The following UBE2U variants were observed in gnomAD, a reference collection of about 807,000 sequenced individuals.
UBE2U encodes the protein ubiquitin conjugating enzyme E2 U.
A neutral mutation model predicts 41.2 loss-of-function variants in UBE2U; 39 were observed. The observed-to-expected ratio is 0.95, with a 90% CI of 0.73 to 1.24. The LOEUF is 1.24. Among genes scored for constraint, UBE2U ranks in the 50% most tolerant of loss-of-function variants. The pLI is 0.00. For synonymous variants in UBE2U, 107 were observed against 117.8 expected, an observed-to-expected ratio of 0.91 and a Z score of 0.60; for missense variants, 336 against 363.1, an observed-to-expected ratio of 0.93 and a Z score of 0.61.
intron 7 of UBE2U, among the ~76,000 whole-genome samples, chr1:64,239,419 T>C (rs1411201684): frequency 6.6e-6 from 1 of 152,090 alleles, no homozygotes; most frequent in Non-Finnish European, 1.5e-5. Flanking sequence ...GTGCACAACG[T>C]GCAGGTTTGT....
intron 7 of UBE2U, among the ~76,000 whole-genome samples, chr1:64,238,693 T>C (rs1644716454): frequency 6.6e-6 from 1 of 152,090 alleles, no homozygotes; most frequent in Non-Finnish European, 1.5e-5. Context: ...AAATTTTTTT[T>C]TCTATCAATG....
chr1:64,214,113 A>G (rs1651828666), intron 4 of UBE2U, among the ~76,000 whole-genome samples: 1 of 152,092 alleles, frequency 6.6e-6, no homozygotes, highest in African/African-American at 2.4e-5. Context: ...TAACTTCCAT[A>G]TGGTTATAAT....
intron 7 of UBE2U, among the ~76,000 whole-genome samples, chr1:64,237,149 A>G (rs561136576): frequency 3.9e-5 from 6 of 152,052 alleles, no homozygotes; most frequent in African/African-American, 1.4e-4. Context: ...AAAATATTCT[A>G]TCCTCCTTTA....
intron 4 of UBE2U, among the ~76,000 whole-genome samples, chr1:64,212,697 A>G (rs1168686390): frequency 1.3e-5 from 2 of 152,158 alleles, no homozygotes; most frequent in African/African-American, 4.8e-5. Flanking sequence ...AGCATCCCAA[A>G]TTTGAAAATT....
At chr1:64,249,380 A>AAAC (rs932157508) in intron 8 of UBE2U, among the ~76,000 whole-genome samples, 1 of 150,318 alleles carries the variant, frequency 6.7e-6, no homozygotes, top group Non-Finnish European at 1.5e-5. Context: ...TCTGTCTCAA[A>AAAC]AAAAAAAAAA....
chr1:64,239,186 A>AGAGGAAGAAGAGGAAGAAGAG (rs1557731595), intron 7 of UBE2U, among the ~76,000 whole-genome samples: 2 of 146,984 alleles, frequency 1.4e-5, no homozygotes. Context: ...AAGAAGAAGA[A>AGAGGAAGAAGAGGAAGAAGAG]GAAGAAAGCC....
intron 8 of UBE2U, among the ~76,000 whole-genome samples, chr1:64,257,063 C>T (rs943657423): frequency 2.0e-5 from 3 of 151,102 alleles, no homozygotes; most frequent in African/African-American, 7.3e-5. Context: ...TAATCAAAAC[C>T]ACAGCTCATG....
chr1:64,244,104 T>G, intron 8 of UBE2U: 1 of 1,556,128 alleles, frequency 6.4e-7, no homozygotes, highest in Non-Finnish European at 8.9e-7. Context: ...TTTAAAACTT[T>G]ACTGTGGCCC....
chr1:64,211,622 G>A (rs1651668696), intron 4 of UBE2U, among the ~76,000 whole-genome samples: 1 of 151,652 alleles, frequency 6.6e-6, no homozygotes. Context: ...TAAATTTTCT[G>A]TAGAGACGGG....
At chr1:64,219,931 A>G (rs1652319600) in intron 5 of UBE2U, among the ~76,000 whole-genome samples, 1 of 152,072 alleles carries the variant, frequency 6.6e-6, no homozygotes, top group Non-Finnish European at 1.5e-5. Flanking sequence ...AATTTCTCCT[A>G]TTATCCATCT....
chr1:64,241,054 A>C (rs912493802), intron 7 of UBE2U, among the ~76,000 whole-genome samples: 4 of 152,214 alleles, frequency 2.6e-5, no homozygotes, highest in African/African-American at 9.6e-5. Context: ...CAGAACAGTT[A>C]GTTTTTATAA....
intron 7 of UBE2U, among the ~76,000 whole-genome samples, chr1:64,240,179 A>G (rs1160138602): frequency 2.0e-5 from 3 of 152,218 alleles, no homozygotes; most frequent in African/African-American, 7.2e-5. Flanking sequence ...TTGATAGTCC[A>G]CAGAGCAAGG....
chr1:64,239,284 A>C (rs750871320), intron 7 of UBE2U, among the ~76,000 whole-genome samples: 1 of 152,106 alleles, frequency 6.6e-6, no homozygotes, highest in Non-Finnish European at 1.5e-5. Flanking sequence ...AAGAAATAGG[A>C]AAATAGATAA....
At chr1:64,261,754 G>A (rs1031902014) in intron 9 of UBE2U, among the ~76,000 whole-genome samples, 5 of 152,134 alleles carry the variant, frequency 3.3e-5, no homozygotes, top group African/African-American at 1.2e-4. Context: ...ACTCCCCTCT[G>A]CAATCTCTGT....
At chr1:64,240,256 T>C (rs919894503) in intron 7 of UBE2U, among the ~76,000 whole-genome samples, 5 of 152,180 alleles carry the variant, frequency 3.3e-5, no homozygotes, top group Non-Finnish European at 5.9e-5. Flanking sequence ...TTTGGGACAC[T>C]AACTTTAATA....
At position 64,232,484 on chromosome 1, in the gene UBE2U, G is replaced by A. The variant is rs1644585415; in HGVS notation, c.507-77G>A. 15 of 997,276 alleles carry A rather than the reference G, an allele frequency of 1.5e-5. No individual in the cohort carries two copies. In the South Asian group the frequency reaches 2.2e-4, roughly 14 times the overall value. 61.8% of individuals were successfully genotyped at this position (997,276 alleles called of 1,614,324 possible). A position where few individuals can be genotyped will look rare whatever the true frequency, so the allele number is the denominator to read the frequency against. ...CTTGTGACAAGATATTATGTGAACAGTCCATATAGCAGTACAATAATTTTA... is the reference window on the plus strand; with the variant it reads ...CTTGTGACAAGATATTATGTGAACAATCCATATAGCAGTACAATAATTTTA... On this transcript the variant is annotated intron_variant, in intron 6 of 9. Coordinates refer to ENST00000371077, the MANE Select transcript of UBE2U (RefSeq NM_001366232.2).
intron 8 of UBE2U, among the ~76,000 whole-genome samples, chr1:64,248,541 A>T (rs1644957515): frequency 6.6e-6 from 1 of 151,172 alleles, no homozygotes; most frequent in African/African-American, 2.4e-5. Flanking sequence ...TTAAAAATGA[A>T]CAAGCATTAG....
Position 64,228,285 on chromosome 1 carries a change from G to A in UBE2U, c.507-4276G>A, listed in dbSNP as rs530467094. Among the ~76,000 whole-genome samples, 12 of 152,308 alleles carry A rather than the reference G, an allele frequency of 7.9e-5. 1 individual carries two copies. The highest frequency in any genetic ancestry group is 2.6e-4 in the African/African-American group (11 of 41,568). On this transcript the variant is annotated intron_variant, in intron 6 of 9. Transcript: ENST00000371077. ...ATCAGGCTCTAATTTAGAGCCAGAG[G>A]TGTGGTCAGTCCCATCAGAGTGTAT...
In UBE2U at chr1:64,241,720, G is replaced by T. The variant is rs879919973; in HGVS notation, c.664G>T (p.Glu222Ter). The change falls in exon 8 of 10, where the codon GAA (glutamate) becomes TAA (stop). Residue 222 changes from glutamate to a stop codon, truncating the protein, a stop_gained. Transcript: ENST00000371077. LOFTEE classifies it high-confidence loss of function. ...GAAAATGGATCTACAGCATCAGAAA[G>T]AATGGAATTTAAAGTAAGAAATATG... is the stretch of plus-strand genomic sequence containing the variant. ...WKKMDLQHQK[E>*]WNLKYSVIKC... 3 of 1,608,326 alleles carry T rather than the reference G, an allele frequency of 1.9e-6. No individual in the cohort carries two copies. The highest frequency in any genetic ancestry group is 2.5e-6 in the Non-Finnish European group (3 of 1,177,476).
Sources: gnomAD v4.1 joint callset for allele counts (sites outside exome capture counted in the v4.1 genomes callset) on GRCh38, gnomAD v4.1.1 for gene constraint, MANE v1.5 for transcripts, NCBI Gene and HGNC (gene_info 2026-07-23, HGNC 2026-07-21) for gene names.